The following WWOX variants were observed in gnomAD, a reference collection of about 807,000 sequenced individuals.
WWOX encodes WW domain containing oxidoreductase.
A neutral mutation model predicts 46.2 loss-of-function variants in WWOX; 69 were observed. The observed-to-expected ratio is 1.49, with a 90% CI of 1.23 to 1.82. WWOX has a LOEUF of 1.82. Among genes scored for constraint, WWOX ranks in the 40% most tolerant of loss-of-function variants. WWOX has a pLI of 0.00. For missense variants in WWOX, 919 were observed against 542.6 expected (o/e 1.69, Z -6.89); for synonymous variants, 359 against 202.6 (o/e 1.77, Z -6.56).
intron 8 of WWOX, among the ~76,000 whole-genome samples, chr16:78,884,354 A>T (rs1415232583): frequency 6.6e-6 from 1 of 152,042 alleles, no homozygotes; most frequent in Admixed American, 6.6e-5. Flanking sequence ...GCCAAAAGAC[A>T]AGTACAAGAG....
chr16:78,216,465 C>G (rs973078997), intron 5 of WWOX, among the ~76,000 whole-genome samples: 1 of 152,126 alleles, frequency 6.6e-6, no homozygotes, highest in African/African-American at 2.4e-5. Context: ...CTACAGGGTT[C>G]TCCTTGGGCT....
intron 8 of WWOX, among the ~76,000 whole-genome samples, chr16:78,633,533 G>A (rs1201521068): frequency 1.3e-5 from 2 of 152,172 alleles, no homozygotes; most frequent in African/African-American, 2.4e-5. Context: ...GCATGGCAAC[G>A]CTGGTTTCCA....
At chr16:78,557,906 A>G (rs1353003430) in intron 8 of WWOX, among the ~76,000 whole-genome samples, 1 of 152,042 alleles carries the variant, frequency 6.6e-6, no homozygotes, top group Non-Finnish European at 1.5e-5. Flanking sequence ...CAGGTTGGCC[A>G]GGCTGCTCTC....
chr16:78,893,742 G>A (rs934695497), intron 8 of WWOX, among the ~76,000 whole-genome samples: 4 of 152,120 alleles, frequency 2.6e-5, no homozygotes, highest in Non-Finnish European at 5.9e-5. Context: ...TCCAGAAAAT[G>A]TCTGTCATAC....
chr16:78,680,376 C>A (rs1360489530), intron 8 of WWOX, among the ~76,000 whole-genome samples: 1 of 151,768 alleles, frequency 6.6e-6, no homozygotes, highest in Non-Finnish European at 1.5e-5. Context: ...AGACCTATCT[C>A]TACAAAAATT....
rs796386450 is a variant in WWOX at position 78,781,440 on chromosome 16, A to T, written c.1056+348688A>T. On this transcript the variant is annotated intron_variant, in intron 8 of 8. Coordinates refer to ENST00000566780, the MANE Select transcript of WWOX (RefSeq NM_016373.4). ...TAGCCCACCCTCTACCATCCTCACC[A>T]GGAAGGAGGCTGCATTCATTTCAAG... 2.0e-5 allele frequency among the ~76,000 whole-genome samples: 3 copies of T among 152,194 alleles called. No homozygotes were observed. In the South Asian group the frequency reaches 6.2e-4, roughly 32 times the overall value.
chr16:78,162,890 T>C (rs2034842147), intron 4 of WWOX, among the ~76,000 whole-genome samples: 2 of 152,196 alleles, frequency 1.3e-5, no homozygotes, highest in South Asian at 4.1e-4. Flanking sequence ...TCTGTTAAAC[T>C]ATATGCTGAA....
chr16:79,124,231 C>G (rs1022088428), intron 8 of WWOX, among the ~76,000 whole-genome samples: 1 of 152,134 alleles, frequency 6.6e-6, no homozygotes, highest in Admixed American at 6.5e-5. Flanking sequence ...AGCGTGCCCC[C>G]TGCCCCAGAA....
chr16:79,030,445 T>A (rs1002299084), intron 8 of WWOX, among the ~76,000 whole-genome samples: 1 of 152,216 alleles, frequency 6.6e-6, no homozygotes, highest in East Asian at 1.9e-4. Flanking sequence ...AGGATGCCTT[T>A]TGATCTGCAC....
intron 8 of WWOX, among the ~76,000 whole-genome samples, chr16:78,907,192 G>A (rs2044987612): frequency 6.6e-6 from 1 of 152,106 alleles, no homozygotes; most frequent in South Asian, 2.1e-4. Flanking sequence ...TGCAATCATA[G>A]GGGTGTGTAA....
intron 8 of WWOX, among the ~76,000 whole-genome samples, chr16:79,002,199 C>T (rs1187747629): frequency 7.3e-6 from 1 of 137,694 alleles, no homozygotes; most frequent in East Asian, 2.1e-4. Flanking sequence ...TTTAGATTTC[C>T]TTGGGTGTCC....
At chr16:78,516,728 A>T (rs1373582888) in intron 8 of WWOX, among the ~76,000 whole-genome samples, 8 of 152,200 alleles carry the variant, frequency 5.3e-5, no homozygotes, top group Admixed American at 3.9e-4. Context: ...TACTTAGCAT[A>T]ATTTAAACGC....
chr16:78,765,308 C>G (rs2049901313), intron 8 of WWOX, among the ~76,000 whole-genome samples: 1 of 152,204 alleles, frequency 6.6e-6, no homozygotes, highest in Non-Finnish European at 1.5e-5. Context: ...ATGAGACCTT[C>G]TGGTAGAGGC....
intron 8 of WWOX, among the ~76,000 whole-genome samples, chr16:79,192,726 T>A (rs1167609387): frequency 6.6e-6 from 1 of 152,208 alleles, no homozygotes; most frequent in African/African-American, 2.4e-5. Flanking sequence ...GCCCCTTTGC[T>A]TATTCTCAGC....
chr16:78,351,697 C>G (rs190950460), intron 5 of WWOX, among the ~76,000 whole-genome samples: 1 of 152,258 alleles, frequency 6.6e-6, no homozygotes, highest in Non-Finnish European at 1.5e-5. Context: ...CGGTCTCTTG[C>G]CCAGGCTGGA....
chr16:78,769,010 G>A (rs936119003), intron 8 of WWOX, among the ~76,000 whole-genome samples: 2 of 152,114 alleles, frequency 1.3e-5, no homozygotes, highest in African/African-American at 4.8e-5. Context: ...TCCTTTTTCA[G>A]TCTCTGGTCA....
At chr16:78,292,895 A>G (rs990066251) in intron 5 of WWOX, among the ~76,000 whole-genome samples, 1 of 152,202 alleles carries the variant, frequency 6.6e-6, no homozygotes, top group African/African-American at 2.4e-5. Flanking sequence ...CAAGCCAGTG[A>G]TCCAGGCCAA....
chr16:78,920,218 G>C (rs555289794), intron 8 of WWOX, among the ~76,000 whole-genome samples: 3 of 152,246 alleles, frequency 2.0e-5, no homozygotes, highest in South Asian at 2.1e-4. Context: ...AAAGAGAAAA[G>C]ACAAGTTCTT....
intron 6 of WWOX, among the ~76,000 whole-genome samples, chr16:78,399,530 A>G (rs994313561): frequency 1.3e-5 from 2 of 152,176 alleles, no homozygotes; most frequent in African/African-American, 4.8e-5. Context: ...ACAGGGAGCG[A>G]CACCTCTCAG....
Sources: allele counts gnomAD v4.1 joint callset (sites outside exome capture counted in the v4.1 genomes callset), GRCh38; gene constraint gnomAD v4.1.1; transcripts MANE v1.5; gene names NCBI Gene and HGNC (gene_info 2026-07-23, HGNC 2026-07-21).